Variants in DNAH7 observed in about 807,000 individuals in gnomAD.
The protein encoded by DNAH7 is dynein axonemal heavy chain 7.
In DNAH7, 397 loss-of-function variants were observed where a neutral mutation model predicts 444.6. The ratio of observed to expected loss-of-function variants is 0.89; its 90% CI spans 0.82 to 0.97. DNAH7 has a LOEUF of 0.97. DNAH7 is among the 50% of genes least tolerant of loss of function. The pLI, the probability that DNAH7 is intolerant of heterozygous loss-of-function variation, is 0.00. For missense variants in DNAH7, 4,902 were observed against 4,800.8 expected (o/e 1.02, Z -0.62); for synonymous variants, 1,636 against 1,624.4 (o/e 1.01, Z -0.17).
In DNAH7 at chr2:195,806,993, T is replaced by G. The variant is rs190104803; in HGVS notation, c.10084-161A>C. Among the ~76,000 whole-genome samples, 18 of 152,090 alleles carry G rather than the reference T, an allele frequency of 1.2e-4. No individual in the cohort carries two copies. In the East Asian group the frequency reaches 1.3e-3, roughly 11 times the overall value. ...TGGGACATTATAAAATAAATAATAA[T>G]AAGAAAAGTTAATATTCTTTAAAGG... On this transcript the variant is annotated intron_variant, in intron 53 of 64. Coordinates refer to ENST00000312428, the MANE Select transcript of DNAH7 (RefSeq NM_018897.3).
rs753575259 is a variant in DNAH7 at position 195,922,543 on chromosome 2, C to T, written c.3826-346G>A. 2.0e-5 allele frequency among the ~76,000 whole-genome samples: 3 copies of T among 152,062 alleles called. No individual in the cohort carries two copies. The East Asian group carries it at 5.8e-4, about 29-fold the overall frequency. Reference sequence around the variant, plus strand: ...TTCCCCAAGGTTATACATCTGGTAACGGGAGGATCTGGCATCTGAAATGAT... The same window carrying T: ...TTCCCCAAGGTTATACATCTGGTAATGGGAGGATCTGGCATCTGAAATGAT... On this transcript the variant is annotated intron_variant, in intron 23 of 64. Coordinates refer to ENST00000312428, the MANE Select transcript of DNAH7 (RefSeq NM_018897.3).
In DNAH7 at chr2:195,967,082, A is replaced by G. The variant is rs1691528818; in HGVS notation, c.2205+2866T>C. 2.0e-5 allele frequency among the ~76,000 whole-genome samples: 3 copies of G among 152,082 alleles called. 1 individual carries two copies. In the South Asian group the frequency reaches 6.2e-4, roughly 32 times the overall value. ...AGTGAAGGTGATTTTCTCTGGTAGT[A>G]TGTTTTAATTTCTTACTTTTCATTT... On this transcript the variant is annotated intron_variant, in intron 17 of 64. Transcript: ENST00000312428.
intron 47 of DNAH7, among the ~76,000 whole-genome samples, chr2:195,837,301 G>T (rs1344376923): frequency 6.6e-6 from 1 of 152,178 alleles, no homozygotes; most frequent in East Asian, 1.9e-4. Context: ...CCAATAAGCA[G>T]CATTTCAAAA....
rs778677608 is a variant in DNAH7, at chr2:195,957,247, A to AT, written c.3078+13dup. The stretch of plus-strand genomic sequence containing the variant: ...CAACCAAATAATGACATTTTTGGAG[A>AT]TTTTTTCACCTACCTGCATGACACT... On this transcript the variant is annotated intron_variant, in intron 19 of 64. Transcript: ENST00000312428. The AT allele has an allele frequency of 4.1e-6, 6 of 1,473,690 alleles. No individual in the cohort carries two copies. The highest frequency in any genetic ancestry group is 1.4e-5 in the South Asian group (1 of 70,354). 91.3% of individuals were successfully genotyped at this position (1,473,690 alleles called of 1,614,324 possible).
chr2:195,920,695 C>T (rs1417862086), intron 24 of DNAH7, among the ~76,000 whole-genome samples: 1 of 152,072 alleles, frequency 6.6e-6, no homozygotes, highest in African/African-American at 2.4e-5. Flanking sequence ...AAAGCAAATG[C>T]AACAAAAACA....
chr2:195,739,798 T>G (rs1305685847), intron 64 of DNAH7, among the ~76,000 whole-genome samples: 1 of 152,200 alleles, frequency 6.6e-6, no homozygotes, highest in Non-Finnish European at 1.5e-5. Flanking sequence ...AAGATTTGCA[T>G]CATCCAACAC....
chr2:195,903,845 ACAC>A (rs1204170990), intron 27 of DNAH7: 1 of 152,112 alleles, frequency 6.6e-6, no homozygotes, highest in Non-Finnish European at 1.5e-5. Context: ...CCTCCTCACT[ACAC>A]CCAAGTTCTG....
chr2:196,026,494 T>C (rs1003825434), intron 7 of DNAH7, among the ~76,000 whole-genome samples: 5 of 152,158 alleles, frequency 3.3e-5, no homozygotes, highest in African/African-American at 7.2e-5. Context: ...AATAAATATC[T>C]TGAGGGATTG....
intron 17 of DNAH7, among the ~76,000 whole-genome samples, chr2:195,966,756 T>C (rs767992622): frequency 1.3e-5 from 2 of 152,192 alleles, no homozygotes; most frequent in Non-Finnish European, 2.9e-5. Flanking sequence ...GATACAAGCA[T>C]TGTTACTCCT....
intron 20 of DNAH7, among the ~76,000 whole-genome samples, chr2:195,935,574 A>G (rs1413796818): frequency 6.6e-6 from 1 of 152,208 alleles, no homozygotes; most frequent in Non-Finnish European, 1.5e-5. Flanking sequence ...AATCTCTACC[A>G]TGGTGGAGCT....
At chr2:195,990,675 G>A (rs1221724455) in intron 12 of DNAH7, among the ~76,000 whole-genome samples, 1 of 151,066 alleles carries the variant, frequency 6.6e-6, no homozygotes, top group African/African-American at 2.4e-5. Flanking sequence ...AAAAGTTATT[G>A]TAGAAGTGTG....
In DNAH7 at chr2:195,888,937, T is replaced by C. The variant is rs1701857681; in HGVS notation, c.5091A>G (p.Ala1697=). The change falls in exon 32 of 65, where the codon GCA becomes GCG. Residue 1697 remains alanine (A), a synonymous_variant. Transcript: ENST00000312428. ...CAGTGTTCATATTCTCAATCCACAC[T>C]GCATCTACTGGGCCATCAAAAATTA... is the stretch of plus-strand genomic sequence containing the variant. ...KWLIFDGPVD[A]VWIENMNTVL... 6.2e-7 allele frequency: 1 copy of C among 1,613,730 alleles called. No individual in the cohort carries two copies. Among genetic ancestry groups the C allele is most frequent in the Non-Finnish European group, 8.5e-7 (1 of 1,179,916 alleles).
chr2:195,794,306 G>C, intron 57 of DNAH7, 32 bp downstream of exon 57: 1 of 1,610,454 alleles, frequency 6.2e-7, no homozygotes, highest in Non-Finnish European at 8.5e-7. Flanking sequence ...TGCTTTACAG[G>C]GCCGAGGTAA....
chr2:195,802,113 AATAATTAATTCATCTATAC>A (rs1454737646), intron 54 of DNAH7, among the ~76,000 whole-genome samples: 1 of 152,246 alleles, frequency 6.6e-6, no homozygotes, highest in Non-Finnish European at 1.5e-5. Flanking sequence ...AAAATCACAG[AATAATTAATTCATCTATAC>A]ATAATTAATT....
intron 28 of DNAH7, among the ~76,000 whole-genome samples, chr2:195,899,303 C>A (rs557817896): frequency 1.3e-5 from 2 of 152,294 alleles, no homozygotes; most frequent in African/African-American, 4.8e-5. Context: ...TCTATATTAG[C>A]TTTGAAAAAG....
chr2:195,827,633 G>A (rs944014429), intron 48 of DNAH7, among the ~76,000 whole-genome samples: 3 of 152,138 alleles, frequency 2.0e-5, no homozygotes, highest in African/African-American at 4.8e-5. Context: ...CCAGGCTGGA[G>A]TGCAGTGGTG....
rs1195370770 is a variant in DNAH7 at position 195,799,882 on chromosome 2, GA to G, written c.10177-411del. On this transcript the variant is annotated intron_variant, in intron 54 of 64. Coordinates refer to ENST00000312428, the MANE Select transcript of DNAH7 (RefSeq NM_018897.3). ...TCCAGAAAGAATTGATGTCACTGTG[GA>G]AAAGAAGAAGGAAAGGAAGAGCTCT... Among the ~76,000 whole-genome samples, 6 of 152,144 alleles carry G rather than the reference GA, an allele frequency of 3.9e-5. 1 individual carries two copies. The highest frequency in any genetic ancestry group is 1.4e-4 in the African/African-American group (6 of 41,424).
chr2:196,061,221 G>C (rs554471656), intron 1 of DNAH7, among the ~76,000 whole-genome samples: 2 of 151,734 alleles, frequency 1.3e-5, no homozygotes, highest in Non-Finnish European at 1.5e-5. Context: ...TCTGATCTTC[G>C]TGTGACAGAC....
intron 10 of DNAH7, among the ~76,000 whole-genome samples, chr2:196,009,896 G>A (rs1344278187): frequency 6.6e-6 from 1 of 152,128 alleles, no homozygotes; most frequent in Non-Finnish European, 1.5e-5. Flanking sequence ...ATAGCCAACA[G>A]GTATATGAAG....
Sources: gnomAD v4.1 joint callset for allele counts (sites outside exome capture counted in the v4.1 genomes callset) on GRCh38, gnomAD v4.1.1 for gene constraint, MANE v1.5 for transcripts, NCBI Gene and HGNC (gene_info 2026-07-23, HGNC 2026-07-21) for gene names.